DLG2: variants seen among roughly 807,000 people sequenced by gnomAD.
The protein encoded by DLG2 is disks large homolog 2.
In DLG2, 45 loss-of-function variants were observed where a neutral mutation model predicts 132.5. The ratio of observed to expected loss-of-function variants is 0.34; its 90% CI spans 0.27 to 0.44. The LOEUF (loss-of-function observed/expected upper bound fraction) is 0.44. Among genes scored for constraint, DLG2 ranks in the 20% least tolerant of loss-of-function variants. The pLI, the probability that DLG2 is intolerant of heterozygous loss-of-function variation, is 1.00. For synonymous variants in DLG2, 424 were observed against 419.6 expected, an observed-to-expected ratio of 1.01 and a Z score of -0.13; for missense variants, 1,045 against 1,196.9, an observed-to-expected ratio of 0.87 and a Z score of 1.87.
chr11:85,048,606 T>A (rs916927641), intron 6 of DLG2, among the ~76,000 whole-genome samples: 2 of 151,986 alleles, frequency 1.3e-5, no homozygotes, highest in Non-Finnish European at 1.5e-5. Flanking sequence ...ACTATCAATT[T>A]TTAAAACATT....
intron 3 of DLG2, among the ~76,000 whole-genome samples, chr11:85,553,837 A>C (rs1165898620): frequency 6.6e-6 from 1 of 151,112 alleles, no homozygotes; most frequent in African/African-American, 2.4e-5. Flanking sequence ...TCCACATAAA[A>C]ATTATGTTAC....
intron 6 of DLG2, among the ~76,000 whole-genome samples, chr11:84,665,668 C>T (rs1248883941): frequency 6.6e-6 from 1 of 152,112 alleles, no homozygotes; most frequent in African/African-American, 2.4e-5. Flanking sequence ...AAGGGCATAA[C>T]ATTTTATAGT....
chr11:84,714,559 T>TCTCTCTCTCTCTC (rs1565748293), intron 6 of DLG2, among the ~76,000 whole-genome samples: 1 of 56,332 alleles, frequency 1.8e-5, no homozygotes, highest in Non-Finnish European at 2.9e-5. Flanking sequence ...TTCTCTCTCT[T>TCTCTCTCTCTCTC]TCTCTTTCTC....
At chr11:83,881,299 T>C (rs1326874475) in intron 15 of DLG2, among the ~76,000 whole-genome samples, 3 of 152,184 alleles carry the variant, frequency 2.0e-5, no homozygotes, top group African/African-American at 4.8e-5. Context: ...CCTCAAATGA[T>C]TAAAAATCAA....
chr11:84,705,324 C>A (rs1164306655), intron 6 of DLG2, among the ~76,000 whole-genome samples: 1 of 151,644 alleles, frequency 6.6e-6, no homozygotes, highest in African/African-American at 2.4e-5. Flanking sequence ...AAGACCAGAG[C>A]AACATGGCTG....
In DLG2 at chr11:83,763,772, C is replaced by T. The variant is rs1005203882; in HGVS notation, c.1825+22918G>A. 3.9e-5 allele frequency among the ~76,000 whole-genome samples: 6 copies of T among 152,278 alleles called. No individual in the cohort carries two copies. The South Asian group carries it at 1.2e-3, about 32-fold the overall frequency. ...TGCATTTTAGACTCAAAGTTAATTA[C>T]CCCAGGACCCATATCCCACTCTTTA... On this transcript the variant is annotated intron_variant, in intron 18 of 27. Coordinates refer to ENST00000376104, the MANE Select transcript of DLG2 (RefSeq NM_001142699.3).
chr11:84,820,986 C>T (rs1189785229), intron 6 of DLG2, among the ~76,000 whole-genome samples: 1 of 151,596 alleles, frequency 6.6e-6, no homozygotes, highest in Non-Finnish European at 1.5e-5. Flanking sequence ...AGAAACTTGG[C>T]ATGGAGTAGA....
At chr11:85,326,476 T>C (rs1448578530) in intron 3 of DLG2, among the ~76,000 whole-genome samples, 1 of 111,436 alleles carries the variant, frequency 9.0e-6, no homozygotes, top group African/African-American at 3.6e-5. Flanking sequence ...TTCAACATTC[T>C]TAAAGAAAAG....
chr11:85,401,977 T>TG (rs2088171658), intron 3 of DLG2, among the ~76,000 whole-genome samples: 1 of 47,566 alleles, frequency 2.1e-5, no homozygotes, highest in Non-Finnish European at 6.0e-5. Flanking sequence ...CTTCAGAGAA[T>TG]TAATAAAAAA....
chr11:83,672,216 C>T (rs1046347942), intron 18 of DLG2, among the ~76,000 whole-genome samples: 4 of 151,550 alleles, frequency 2.6e-5, no homozygotes, highest in Non-Finnish European at 4.4e-5. Flanking sequence ...GATGGAATTT[C>T]GCTCTTGTTG....
At chr11:85,044,710 G>A (rs537874495) in intron 6 of DLG2, among the ~76,000 whole-genome samples, 9 of 152,078 alleles carry the variant, frequency 5.9e-5, no homozygotes, top group African/African-American at 1.4e-4. Flanking sequence ...TTGACACAAC[G>A]TAATCTGTGT....
chr11:83,878,391 T>A (rs2065301510), intron 15 of DLG2, among the ~76,000 whole-genome samples: 2 of 152,116 alleles, frequency 1.3e-5, no homozygotes, highest in African/African-American at 4.8e-5. Context: ...CTAGGTTTCA[T>A]CCCCATTTTC....
chr11:84,254,195 T>C (rs1388297646), intron 7 of DLG2, among the ~76,000 whole-genome samples: 1 of 152,270 alleles, frequency 6.6e-6, no homozygotes, highest in Admixed American at 6.5e-5. Flanking sequence ...GATTAATAAA[T>C]AGGTATTAAT....
intron 18 of DLG2, among the ~76,000 whole-genome samples, chr11:83,697,575 C>T (rs1037738852): frequency 3.3e-5 from 5 of 152,122 alleles, no homozygotes; most frequent in Non-Finnish European, 7.4e-5. Context: ...CAACCCCTTA[C>T]GTATAACAAG....
At chr11:83,602,834 T>G (rs2153381009) in intron 19 of DLG2, among the ~76,000 whole-genome samples, 1 of 152,190 alleles carries the variant, frequency 6.6e-6, no homozygotes, top group East Asian at 1.9e-4. Flanking sequence ...TTATCATTTT[T>G]TATTCCAATT....
At chr11:83,973,920 A>C (rs2091788683) in intron 12 of DLG2, among the ~76,000 whole-genome samples, 2 of 152,086 alleles carry the variant, frequency 1.3e-5, no homozygotes, top group Admixed American at 1.3e-4. Context: ...TTCACAATTT[A>C]CTAGTTATGT....
Position 85,583,130 on chromosome 11 carries a change from G to GTATATATATA in DLG2, c.40+15517_40+15526dup, listed in dbSNP as rs3068386. On this transcript the variant is annotated intron_variant, in intron 3 of 27. Transcript: ENST00000376104. ...TGTGTGTGTGTGTGTGTGTGTGTGT[G>GTATATATATA]TATATATATATATATATATATATAT... Among the ~76,000 whole-genome samples the GTATATATATA allele has an allele frequency of 5.4e-3, 74 of 13,586 alleles. 2 individuals are homozygous for GTATATATATA. The highest frequency in any genetic ancestry group is 7.3e-3 in the Non-Finnish European group (46 of 6,324). The allele number at this position is 13,586 out of a possible 152,430, so 8.9% of individuals were successfully genotyped here.
At chr11:84,267,271 T>G (rs1461938309) in intron 7 of DLG2, among the ~76,000 whole-genome samples, 1 of 152,148 alleles carries the variant, frequency 6.6e-6, no homozygotes, top group Non-Finnish European at 1.5e-5. Flanking sequence ...CTACTCTTAT[T>G]TTTCCTCAGG....
chr11:83,469,439 A>G (rs2091691803), intron 24 of DLG2, 66 bp from the exon 25 acceptor site: 9 of 1,173,752 alleles, frequency 7.7e-6, no homozygotes, highest in Non-Finnish European at 9.7e-6. Flanking sequence ...TTACACCTAT[A>G]TTCTCCACCA....
Sources: allele counts gnomAD v4.1 joint callset (sites outside exome capture counted in the v4.1 genomes callset), GRCh38; gene constraint gnomAD v4.1.1; transcripts MANE v1.5; gene names NCBI Gene and HGNC (gene_info 2026-07-23, HGNC 2026-07-21).